TLCD4: variants seen among roughly 807,000 people sequenced by gnomAD.
TLCD4 encodes the protein TLC domain-containing protein 4.
TLCD4 carries 7 observed loss-of-function variants against 24.2 expected under a neutral mutation model. The observed-to-expected ratio is 0.29, with a 90% confidence interval of 0.16 to 0.54. The LOEUF (loss-of-function observed/expected upper bound fraction) is 0.54, where lower values mean the gene tolerates loss of function less well. Ranked by LOEUF, TLCD4 falls within the 20% of genes least tolerant of loss-of-function variation. TLCD4 has a pLI of 0.95. For missense variants in TLCD4, 259 were observed against 313.9 expected, an observed-to-expected ratio of 0.82 and a Z score of 1.32; for synonymous variants, 103 against 106.4, an observed-to-expected ratio of 0.97 and a Z score of 0.20.
At chr1:95,174,027 A>T in intron 6 of TLCD4, 138 bp downstream of exon 6, 1 of 1,276,652 alleles carries the variant, frequency 7.8e-7, no homozygotes, top group South Asian at 1.5e-5. Context: ...CATCATACAA[A>T]TGAGGAAAGT....
At chr1:95,156,030 TA>T (rs201432592) in intron 5 of TLCD4, among the ~76,000 whole-genome samples, 16 of 150,004 alleles carry the variant, frequency 1.1e-4, no homozygotes, top group East Asian at 9.7e-4. Context: ...TAGATGTTGG[TA>T]AAAAAAAAAT....
At chr1:95,116,771 T>A (rs568302062), upstream of TLCD4, among the ~76,000 whole-genome samples, 84 of 152,310 alleles carry the variant, frequency 5.5e-4, no homozygotes, top group Non-Finnish European at 9.0e-4. Flanking sequence ...ACAGAGGGGT[T>A]CCGGGTGTAG....
At chr1:95,136,831 A>G (rs933636701) in intron 1 of TLCD4, among the ~76,000 whole-genome samples, 1 of 152,192 alleles carries the variant, frequency 6.6e-6, no homozygotes, top group Non-Finnish European at 1.5e-5. Flanking sequence ...GAGCTGTTCC[A>G]GGTTGGAAGA....
At position 95,194,784 on chromosome 1, in the gene TLCD4, G is replaced by A. The variant is rs1467927576; in HGVS notation, c.*2916G>A. On this transcript the variant is annotated 3_prime_UTR_variant, in exon 7 of 7. Coordinates refer to ENST00000370203, the MANE Select transcript of TLCD4 (RefSeq NM_152487.3). ...TTATTTGTGAAAATTTGAAAATTAT[G>A]AGCTATAACTTATAAAGTTTGCCTT... is the stretch of plus-strand genomic sequence containing the variant. 6.6e-6 allele frequency: 1 copy of A among 152,052 alleles called. No homozygotes were observed. Among genetic ancestry groups the A allele is most frequent in the East Asian group, 1.9e-4 (1 of 5,186 alleles). The allele number at this position is 152,052 out of a possible 1,614,324, so 9.4% of individuals were successfully genotyped here.
At chr1:95,128,674 C>G (rs1676807104) in intron 1 of TLCD4, among the ~76,000 whole-genome samples, 1 of 152,116 alleles carries the variant, frequency 6.6e-6, no homozygotes, top group Admixed American at 6.5e-5. Context: ...TCTATATCAA[C>G]AGAACTCTTT....
rs140150712 is a variant in TLCD4, at chr1:95,164,440, G to A, written c.400-9376G>A. 14 of 152,430 alleles carry A rather than the reference G, an allele frequency of 9.2e-5. No homozygotes were observed. The East Asian group carries it at 2.7e-3, about 29-fold the overall frequency. The allele number at this position is 152,430 out of a possible 1,614,324, so 9.4% of individuals were successfully genotyped here. Reference sequence around the variant, plus strand: ...TAGTAAAGGGAATTCCTGACCCCTTGTGCTTCCCAGGTGAGGCGATGCCTC... The same window carrying A: ...TAGTAAAGGGAATTCCTGACCCCTTATGCTTCCCAGGTGAGGCGATGCCTC... On this transcript the variant is annotated intron_variant, in intron 5 of 6. Transcript: ENST00000370203.
intron 1 of TLCD4, among the ~76,000 whole-genome samples, chr1:95,137,843 C>T (rs910123946): frequency 1.3e-5 from 2 of 151,806 alleles, no homozygotes; most frequent in African/African-American, 2.4e-5. Context: ...CTCAAGTGAT[C>T]CTCCCATCTC....
At chr1:95,145,404 TG>T (rs1677316708) in intron 2 of TLCD4, among the ~76,000 whole-genome samples, 1 of 152,154 alleles carries the variant, frequency 6.6e-6, no homozygotes. Context: ...AGACTCTAGT[TG>T]TTTTTTTTTG....
upstream of TLCD4, among the ~76,000 whole-genome samples, chr1:95,114,756 G>A (rs1369940840): frequency 6.6e-6 from 1 of 151,862 alleles, no homozygotes; most frequent in Non-Finnish European, 1.5e-5. Flanking sequence ...AAACTGGAAG[G>A]CGGAGGTTGC....
intron 5 of TLCD4, among the ~76,000 whole-genome samples, chr1:95,155,552 A>C (rs928670334): frequency 6.6e-5 from 10 of 152,146 alleles, no homozygotes; most frequent in Admixed American, 6.6e-4. Flanking sequence ...GAAAAGGATA[A>C]AGTAACAAGG....
chr1:95,115,269 G>A (rs1371878114), upstream of TLCD4, among the ~76,000 whole-genome samples: 1 of 151,852 alleles, frequency 6.6e-6, no homozygotes, highest in Non-Finnish European at 1.5e-5. Context: ...ACCATGCCTG[G>A]CTAATTTTTT....
chr1:95,167,946 A>C (rs958066683), intron 5 of TLCD4, among the ~76,000 whole-genome samples: 9 of 152,004 alleles, frequency 5.9e-5, no homozygotes, highest in African/African-American at 2.2e-4. Flanking sequence ...TTCTCTCGTA[A>C]ACTGTCTTTT....
At chr1:95,105,893 T>TCAAAA in the TLCD4 span, among the ~76,000 whole-genome samples, 124 of 102,872 alleles carry the variant, frequency 1.2e-3, 16 homozygotes, top group Non-Finnish European at 1.9e-3. Context: ...AGACTCCGTC[T>TCAAAA]TAAAAAAAAA....
At position 95,157,707 on chromosome 1, in the gene TLCD4, G is replaced by A. The variant is rs979211381; in HGVS notation, c.399+6288G>A. On this transcript the variant is annotated intron_variant, in intron 5 of 6. Transcript: ENST00000370203. ...GAGAGTATCTATATGTGGTCCTTCC[G>A]TGTAGCTTGGGCTTCTCACAGCCTC... Among the ~76,000 whole-genome samples the A allele has an allele frequency of 5.9e-5, 9 of 152,160 alleles. No homozygotes were observed. The East Asian group carries it at 9.6e-4, about 16-fold the overall frequency.
intron 1 of TLCD4, among the ~76,000 whole-genome samples, chr1:95,124,511 G>A (rs12036142): frequency 6.6e-6 from 1 of 152,200 alleles, no homozygotes; most frequent in African/African-American, 2.4e-5. Flanking sequence ...TTTGCCTTAC[G>A]ATGCCATCTC....
At chr1:95,189,494 A>T (rs529947178) in intron 6 of TLCD4, among the ~76,000 whole-genome samples, 1 of 152,160 alleles carries the variant, frequency 6.6e-6, no homozygotes, top group African/African-American at 2.4e-5. Context: ...ATCCACCACT[A>T]TAGTATTATG....
rs1306712123 is a variant in TLCD4 at position 95,144,792 on chromosome 1, G to A, written c.155+736G>A. 2.0e-5 allele frequency among the ~76,000 whole-genome samples: 3 copies of A among 152,102 alleles called. No homozygotes were observed. The East Asian group carries it at 5.8e-4, about 29-fold the overall frequency. ...TGCAACCTCTGCCTCCCAGGTTCCA[G>A]TGATTCTCCTGCCTCAGCTTCCTGA... On this transcript the variant is annotated intron_variant, in intron 2 of 6. Coordinates refer to ENST00000370203, the MANE Select transcript of TLCD4 (RefSeq NM_152487.3).
chr1:95,188,828 C>T (rs1678923839), intron 6 of TLCD4, among the ~76,000 whole-genome samples: 1 of 152,106 alleles, frequency 6.6e-6, no homozygotes, highest in South Asian at 2.1e-4. Flanking sequence ...TCAGGTATTT[C>T]TCAAGGAACC....
the TLCD4 span, among the ~76,000 whole-genome samples, chr1:95,103,971 T>C: frequency 2.6e-5 from 4 of 152,222 alleles, no homozygotes; most frequent in African/African-American, 9.6e-5. Flanking sequence ...CCTAAAACAG[T>C]GTTAAAAAGC....
Sources: gnomAD v4.1 joint callset for allele counts (sites outside exome capture counted in the v4.1 genomes callset) on GRCh38, gnomAD v4.1.1 for gene constraint, MANE v1.5 for transcripts, NCBI Gene and HGNC (gene_info 2026-07-23, HGNC 2026-07-21) for gene names.